The following FOXK2 variants were observed in gnomAD, a reference collection of about 807,000 sequenced individuals.
FOXK2 encodes the protein forkhead box K2.
In FOXK2, 24 loss-of-function variants were observed where a neutral mutation model predicts 53.3. The ratio of observed to expected loss-of-function variants is 0.45; its 90% CI spans 0.33 to 0.63. FOXK2 has a LOEUF of 0.63. FOXK2 is among the 30% of genes least tolerant of loss of function. The probability of loss-of-function intolerance (pLI) is 0.03; values close to 1 mark genes in which losing one functional copy is unlikely to be tolerated. For synonymous variants in FOXK2, 505 were observed against 407.1 expected (o/e 1.24, Z -2.89); for missense variants, 952 against 910.5 (o/e 1.05, Z -0.59).
chr17:82,532,658 C>G (rs1348974173), intron 1 of FOXK2, among the ~76,000 whole-genome samples: 2 of 152,104 alleles, frequency 1.3e-5, no homozygotes, highest in Non-Finnish European at 2.9e-5. Flanking sequence ...GTGATTGTGG[C>G]TCACTGCAAC....
intron 1 of FOXK2, among the ~76,000 whole-genome samples, chr17:82,533,084 C>T (rs1306678135): frequency 2.6e-5 from 4 of 152,218 alleles, no homozygotes; most frequent in African/African-American, 7.2e-5. Context: ...GGAGCTGTCA[C>T]CTCCGGTGAT....
intron 3 of FOXK2, among the ~76,000 whole-genome samples, chr17:82,571,329 A>G (rs2044915244): frequency 6.6e-6 from 1 of 152,164 alleles, no homozygotes; most frequent in Non-Finnish European, 1.5e-5. Context: ...GGCTGGGCGC[A>G]GTGGCTCACA....
Position 82,603,359 on chromosome 17 carries a change from C to G in FOXK2, c.*1860C>G, listed in dbSNP as rs991050216. The G allele has an allele frequency of 1.3e-5, 2 of 152,198 alleles. No individual in the cohort carries two copies. The highest frequency in any genetic ancestry group is 4.8e-5 in the African/African-American group (2 of 41,438). The allele number at this position is 152,198 out of a possible 1,614,324, so 9.4% of individuals were successfully genotyped here. A position where few individuals can be genotyped will look rare whatever the true frequency, so the allele number is the denominator to read the frequency against. Reference sequence around the variant, plus strand: ...AAAATAATCAGGATTCTGCTCTGTCCTGTGTGTGGGGTCAGCTCCCTCCAC... The same window carrying G: ...AAAATAATCAGGATTCTGCTCTGTCGTGTGTGTGGGGTCAGCTCCCTCCAC... On this transcript the variant is annotated 3_prime_UTR_variant, in exon 9 of 9. Coordinates refer to ENST00000335255, the MANE Select transcript of FOXK2 (RefSeq NM_004514.4).
At chr17:82,527,286 A>C (rs1463344958) in intron 1 of FOXK2, among the ~76,000 whole-genome samples, 1 of 152,134 alleles carries the variant, frequency 6.6e-6, no homozygotes, top group East Asian at 2.0e-4. Context: ...GATTACAGGC[A>C]TGCACCACCA....
intron 1 of FOXK2, among the ~76,000 whole-genome samples, chr17:82,527,339 G>T (rs1018770921): frequency 1.3e-5 from 2 of 151,998 alleles, no homozygotes; most frequent in African/African-American, 4.8e-5. Flanking sequence ...AGCTTTTAAA[G>T]AAATTTTGGC....
chr17:82,599,893 A>C (rs757351494), intron 8 of FOXK2: 8 of 152,338 alleles, frequency 5.3e-5, no homozygotes, highest in Non-Finnish European at 1.2e-4. Flanking sequence ...ACCAGGGCGT[A>C]GCGTACCATG....
intron 8 of FOXK2, chr17:82,595,962 A>G (rs1196287696): frequency 1.6e-6 from 2 of 1,221,860 alleles, no homozygotes; most frequent in East Asian, 6.0e-5. Context: ...AGACACCTAC[A>G]GCGTGGATGC....
chr17:82,600,838 T>C, intron 8 of FOXK2: 1 of 73,878 alleles, frequency 1.4e-5, no homozygotes, highest in Non-Finnish European at 3.2e-5. Context: ...GAGCATCTTG[T>C]GCGGGTGGTG....
chr17:82,590,161 CAG>C (rs758753528), intron 8 of FOXK2, among the ~76,000 whole-genome samples: 1 of 152,074 alleles, frequency 6.6e-6, no homozygotes, highest in Admixed American at 6.6e-5. Context: ...AGAGGCTGTT[CAG>C]AGAGAGGAGG....
In FOXK2 at chr17:82,601,382, C is replaced by CCAGCCGGAG. The variant is rs1567992138; in HGVS notation, c.1877_1885dup (p.Gln626_Glu628dup). On this transcript the variant is annotated inframe_insertion, in exon 9 of 9. Coordinates refer to ENST00000335255, the MANE Select transcript of FOXK2 (RefSeq NM_004514.4). ...TGCCCACAAAGCGCCACAACGGTGA[C>CCAGCCGGAG]CAGCCGGAGCAGCCGGAGCTGAAGC... 2.5e-6 allele frequency: 4 copies of CCAGCCGGAG among 1,613,418 alleles called. No homozygotes were observed. The highest frequency in any genetic ancestry group is 2.2e-5 in the East Asian group (1 of 44,874).
chr17:82,558,019 A>G (rs1276000036), intron 1 of FOXK2, among the ~76,000 whole-genome samples: 1 of 152,040 alleles, frequency 6.6e-6, no homozygotes, highest in Non-Finnish European at 1.5e-5. Context: ...TCACAGCACT[A>G]ATTGTCTGTT....
chr17:82,543,890 C>A (rs1440406321), intron 1 of FOXK2, among the ~76,000 whole-genome samples: 1 of 151,596 alleles, frequency 6.6e-6, no homozygotes, highest in African/African-American at 2.4e-5. Context: ...CATTCTCCTG[C>A]CTCAGCCTCC....
At chr17:82,544,731 T>C (rs1414904913) in intron 1 of FOXK2, among the ~76,000 whole-genome samples, 1 of 152,150 alleles carries the variant, frequency 6.6e-6, no homozygotes, top group African/African-American at 2.4e-5. Flanking sequence ...TGGACCTTTA[T>C]GGGGCATAGA....
At chr17:82,588,888 A>G (rs1280204416) in intron 8 of FOXK2, among the ~76,000 whole-genome samples, 5 of 37,486 alleles carry the variant, frequency 1.3e-4, no homozygotes, top group Admixed American at 1.1e-3. Context: ...ATTTCTACTA[A>G]AAAAAAAAAA....
chr17:82,527,340 A>G (rs2044428530), intron 1 of FOXK2, among the ~76,000 whole-genome samples: 1 of 152,046 alleles, frequency 6.6e-6, no homozygotes, highest in Non-Finnish European at 1.5e-5. Context: ...GCTTTTAAAG[A>G]AATTTTGGCT....
intron 1 of FOXK2, among the ~76,000 whole-genome samples, chr17:82,560,001 CTTTT>C (rs10583366): frequency 0.2 from 19,906 of 97,190 alleles, 1,819 homozygotes; most frequent in African/African-American, 0.3. Context: ...TCTGGATAGA[CTTTT>C]TTTTTTTTTT....
intron 8 of FOXK2, chr17:82,587,617 C>A: frequency 2.7e-6 from 1 of 372,700 alleles, no homozygotes; most frequent in South Asian, 2.3e-5. Context: ...CGCCCTGTGG[C>A]CTGTGGCGGT....
At chr17:82,544,164 C>A (rs780695760) in intron 1 of FOXK2, among the ~76,000 whole-genome samples, 4 of 152,170 alleles carry the variant, frequency 2.6e-5, no homozygotes, top group Non-Finnish European at 5.9e-5. Flanking sequence ...CCTCCCACTT[C>A]GGCTTTCCAA....
At chr17:82,540,809 G>A (rs566403857) in intron 1 of FOXK2, among the ~76,000 whole-genome samples, 1 of 152,330 alleles carries the variant, frequency 6.6e-6, no homozygotes, top group South Asian at 2.1e-4. Context: ...AAGGTTGACA[G>A]CTGAGGTCCC....
Sources: gnomAD v4.1 joint callset for allele counts (sites outside exome capture counted in the v4.1 genomes callset) on GRCh38, gnomAD v4.1.1 for gene constraint, MANE v1.5 for transcripts, NCBI Gene and HGNC (gene_info 2026-07-23, HGNC 2026-07-21) for gene names.